The following FRMD5 variants were observed in gnomAD, a reference collection of about 807,000 sequenced individuals.
FRMD5 encodes the protein FERM domain containing 5, also known as FERM domain-containing protein 5.
FRMD5 carries 20 observed loss-of-function variants against 69.0 expected under a neutral mutation model. The ratio of observed to expected loss-of-function variants is 0.29; its 90% CI spans 0.20 to 0.42. FRMD5 has a LOEUF of 0.42. FRMD5 is among the 10% of genes least tolerant of loss of function. FRMD5 has a pLI of 1.00. For synonymous variants in FRMD5, 271 were observed against 260.1 expected (o/e 1.04, Z -0.40); for missense variants, 595 against 708.6 (o/e 0.84, Z 1.82).
intron 1 of FRMD5, among the ~76,000 whole-genome samples, chr15:44,137,293 A>T (rs1041680664): frequency 1.3e-4 from 20 of 152,228 alleles, no homozygotes; most frequent in Non-Finnish European, 2.2e-4. Context: ...GTCTCCAAGA[A>T]CATACTGCCT....
chr15:44,170,416 G>A (rs190153361), intron 1 of FRMD5, among the ~76,000 whole-genome samples: 3 of 152,066 alleles, frequency 2.0e-5, no homozygotes, highest in Non-Finnish European at 2.9e-5. Context: ...CCAGCTACAC[G>A]GGAAGCTGAG....
intron 1 of FRMD5, among the ~76,000 whole-genome samples, chr15:44,082,048 G>A (rs1894017498): frequency 6.6e-6 from 1 of 151,986 alleles, no homozygotes; most frequent in African/African-American, 2.4e-5. Flanking sequence ...TTTAGGGACA[G>A]TAGAACAATT....
chr15:43,924,897 A>G (rs2089556157), intron 1 of FRMD5, among the ~76,000 whole-genome samples: 1 of 152,078 alleles, frequency 6.6e-6, no homozygotes, highest in Non-Finnish European at 1.5e-5. Context: ...GGATATTTAA[A>G]CAAACAAAAG....
At chr15:43,892,221 A>G in intron 7 of FRMD5, 152 bp from the exon 8 acceptor site, 1 of 711,086 alleles carries the variant, frequency 1.4e-6, no homozygotes, top group Non-Finnish European at 2.4e-6. Flanking sequence ...CCATAGTTTG[A>G]GTCTCAGCCT....
chr15:44,188,178 G>C (rs1263470352), intron 1 of FRMD5, among the ~76,000 whole-genome samples: 2 of 152,058 alleles, frequency 1.3e-5, no homozygotes, highest in Non-Finnish European at 1.5e-5. Context: ...TTTTAGGTCA[G>C]GAGAGACAAA....
chr15:43,909,882 C>A lies in FRMD5; in HGVS notation c.427G>T (p.Ala143Ser). 1 of 1,599,668 alleles carries A rather than the reference C, an allele frequency of 6.3e-7. No individual in the cohort carries two copies. The highest frequency in any genetic ancestry group is 1.1e-5 in the South Asian group (1 of 90,540). ...AALLAAYILQAEIGDYDSGKH... is the reference protein window; with the variant it reads ...AALLAAYILQSEIGDYDSGKH... Reference sequence around the variant, plus strand: ...AACTTATCCTGTCAAAAGTCATTACCTTGAAGGATGTAAGCTGCTAACAAG... The same window carrying A: ...AACTTATCCTGTCAAAAGTCATTACATTGAAGGATGTAAGCTGCTAACAAG... The change falls in exon 5 of 14, where the codon GCG becomes TCG. Residue 143 changes from alanine (A) to serine (S), a missense_variant and splice_region_variant. Transcript: ENST00000417257.
intron 1 of FRMD5, among the ~76,000 whole-genome samples, chr15:44,112,825 G>A (rs1056328174): frequency 1.3e-5 from 2 of 151,864 alleles, no homozygotes; most frequent in Non-Finnish European, 2.9e-5. Flanking sequence ...TCGAACTCCT[G>A]ACCTTGTGAT....
At chr15:44,039,377 G>C (rs1892083292) in intron 1 of FRMD5, among the ~76,000 whole-genome samples, 1 of 152,182 alleles carries the variant, frequency 6.6e-6, no homozygotes, top group South Asian at 2.1e-4. Flanking sequence ...ATTCTGACTG[G>C]AAGACACCTC....
chr15:43,915,279 T>C (rs753159328), intron 4 of FRMD5, among the ~76,000 whole-genome samples: 5 of 152,196 alleles, frequency 3.3e-5, no homozygotes, highest in African/African-American at 2.4e-5. Flanking sequence ...AATGACAGAA[T>C]TGAGTAGTTG....
intron 1 of FRMD5, among the ~76,000 whole-genome samples, chr15:44,032,454 C>G (rs942699074): frequency 1.3e-5 from 2 of 152,130 alleles, no homozygotes; most frequent in Non-Finnish European, 2.9e-5. Context: ...TCAAACTATG[C>G]ATCTGACAAA....
intron 1 of FRMD5, among the ~76,000 whole-genome samples, chr15:44,062,920 T>A (rs1027026715): frequency 6.6e-6 from 1 of 152,142 alleles, no homozygotes; most frequent in Non-Finnish European, 1.5e-5. Context: ...ATCAATTGAC[T>A]GTATATATGT....
chr15:43,961,560 C>A (rs1292186457), intron 1 of FRMD5, among the ~76,000 whole-genome samples: 1 of 152,182 alleles, frequency 6.6e-6, no homozygotes, highest in Non-Finnish European at 1.5e-5. Context: ...TTTATGAGGT[C>A]AGCATCATCC....
intron 1 of FRMD5, among the ~76,000 whole-genome samples, chr15:44,150,270 ACTG>A (rs780911368): frequency 9.8e-5 from 15 of 152,300 alleles, no homozygotes; most frequent in Non-Finnish European, 1.6e-4. Flanking sequence ...TACTCTCACC[ACTG>A]CTATTTAATA....
At chr15:44,179,916 A>G (rs184228493) in intron 1 of FRMD5, among the ~76,000 whole-genome samples, 162 of 152,300 alleles carry the variant, frequency 1.1e-3, no homozygotes, top group Non-Finnish European at 1.5e-3. Flanking sequence ...GTGTGTGCCT[A>G]TAATCCCAGC....
chr15:44,087,412 T>C (rs890267312), intron 1 of FRMD5, among the ~76,000 whole-genome samples: 1 of 152,164 alleles, frequency 6.6e-6, no homozygotes, highest in Admixed American at 6.5e-5. Context: ...AGTCAACATA[T>C]GCAATGAATT....
chr15:43,895,186 A>T (rs2088884915), intron 7 of FRMD5, among the ~76,000 whole-genome samples: 1 of 152,190 alleles, frequency 6.6e-6, no homozygotes, highest in African/African-American at 2.4e-5. Flanking sequence ...ATTTTTCCTG[A>T]TGTTGACAGA....
intron 2 of FRMD5, among the ~76,000 whole-genome samples, chr15:43,920,385 G>C (rs1203864922): frequency 1.3e-5 from 2 of 152,118 alleles, no homozygotes; most frequent in African/African-American, 4.8e-5. Context: ...ACATACTCAG[G>C]ATTCCTTGGC....
chr15:44,108,264 G>C (rs1019875025), intron 1 of FRMD5, among the ~76,000 whole-genome samples: 1 of 152,090 alleles, frequency 6.6e-6, no homozygotes, highest in Non-Finnish European at 1.5e-5. Flanking sequence ...ACAGCTACTG[G>C]AGAGGCTGAG....
chr15:44,059,004 G>T (rs539522457), intron 1 of FRMD5, among the ~76,000 whole-genome samples: 1 of 152,228 alleles, frequency 6.6e-6, no homozygotes, highest in South Asian at 2.1e-4. Context: ...AAAGAGCCAG[G>T]ATCTTTGAGG....
Sources: allele counts gnomAD v4.1 joint callset (sites outside exome capture counted in the v4.1 genomes callset), GRCh38; gene constraint gnomAD v4.1.1; transcripts MANE v1.5; gene names NCBI Gene and HGNC (gene_info 2026-07-23, HGNC 2026-07-21).